SFXN1: variants seen among roughly 807,000 people sequenced by gnomAD.
SFXN1 encodes sideroflexin-1.
A neutral mutation model predicts 39.5 loss-of-function variants in SFXN1; 32 were observed. The observed-to-expected ratio is 0.81, with a 90% CI of 0.61 to 1.09. The LOEUF (loss-of-function observed/expected upper bound fraction) is 1.09, where lower values mean the gene tolerates loss of function less well. SFXN1 is among the 50% of genes least tolerant of loss of function. The probability of loss-of-function intolerance (pLI) is 0.00; values close to 1 mark genes in which losing one functional copy is unlikely to be tolerated. For missense variants in SFXN1, 402 were observed against 407.1 expected, an observed-to-expected ratio of 0.99 and a Z score of 0.11; for synonymous variants, 136 against 146.5, an observed-to-expected ratio of 0.93 and a Z score of 0.52.
intron 8 of SFXN1, among the ~76,000 whole-genome samples, chr5:175,518,995 A>C (rs1581324403): frequency 6.6e-6 from 1 of 152,212 alleles, no homozygotes; most frequent in South Asian, 2.1e-4. Context: ...CACGTATGTG[A>C]TAAAGGACTT....
At chr5:175,480,351 A>G (rs1335099551) in intron 1 of SFXN1, among the ~76,000 whole-genome samples, 1 of 152,020 alleles carries the variant, frequency 6.6e-6, no homozygotes, top group Non-Finnish European at 1.5e-5. Flanking sequence ...CAGTGAGCCG[A>G]GATCGCGCCA....
chr5:175,506,757 C>G (rs916448225), intron 2 of SFXN1, among the ~76,000 whole-genome samples: 1 of 152,108 alleles, frequency 6.6e-6, no homozygotes, highest in Non-Finnish European at 1.5e-5. Flanking sequence ...ACCTCTGCCC[C>G]CCAGGTTCAA....
At chr5:175,519,386 A>G (rs1487553617) in intron 8 of SFXN1, among the ~76,000 whole-genome samples, 1 of 152,372 alleles carries the variant, frequency 6.6e-6, no homozygotes, top group African/African-American at 2.4e-5. Context: ...TGTCCATAAA[A>G]GACGAATATT....
At chr5:175,511,670 A>G in intron 5 of SFXN1, 144 bp downstream of exon 5, 1 of 682,538 alleles carries the variant, frequency 1.5e-6, no homozygotes, top group Non-Finnish European at 2.5e-6. Flanking sequence ...TATTTTAGTT[A>G]TATCTTCCAA....
intron 8 of SFXN1, 148 bp downstream of exon 8, chr5:175,516,811 G>T (rs1295199853): frequency 8.2e-6 from 6 of 731,584 alleles, no homozygotes; most frequent in Non-Finnish European, 1.3e-5. Context: ...TTCCCAGGAA[G>T]ATTTTATTTC....
chr5:175,478,639 GGTGA>G lies in SFXN1; in HGVS notation c.-10+3_-10+6del, dbSNP rs1759109151. ...GCGCGGGCGGCAGCCCGGGGGAAGC[GGTGA>G]GTCGCGGGCGGCAGGCCCAGCCAGG... On this transcript the variant is annotated splice_donor_variant and splice_donor_region_variant and intron_variant, in intron 1 of 10. Coordinates refer to ENST00000321442, the MANE Select transcript of SFXN1 (RefSeq NM_022754.7). LOFTEE classifies it low-confidence loss of function (5UTR_SPLICE). The G allele has an allele frequency of 6.6e-6, 1 of 151,962 alleles. No homozygotes were observed. The highest frequency in any genetic ancestry group is 2.4e-5 in the African/African-American group (1 of 41,016). The allele number at this position is 151,962 out of a possible 1,614,324, so 9.4% of individuals were successfully genotyped here.
At chr5:175,478,862 C>T (rs112099114) in intron 1 of SFXN1, among the ~76,000 whole-genome samples, 9,306 of 152,158 alleles carry the variant, frequency 0.061, 412 homozygotes, top group Non-Finnish European at 0.094. Flanking sequence ...CCGGACAACA[C>T]CACGCTTCCA....
intron 1 of SFXN1, among the ~76,000 whole-genome samples, chr5:175,483,207 G>A (rs10070505): frequency 2.6e-5 from 4 of 152,072 alleles, no homozygotes; most frequent in Non-Finnish European, 4.4e-5. Flanking sequence ...AAAATAATCT[G>A]TTCACTCAAA....
chr5:175,519,162 A>T (rs1012857374), intron 8 of SFXN1, among the ~76,000 whole-genome samples: 1 of 152,228 alleles, frequency 6.6e-6, no homozygotes, highest in African/African-American at 2.4e-5. Flanking sequence ...CTGCCACTAA[A>T]TGCCTATTAG....
At chr5:175,488,406 C>T (rs1759530431) in intron 1 of SFXN1, among the ~76,000 whole-genome samples, 1 of 151,936 alleles carries the variant, frequency 6.6e-6, no homozygotes, top group Admixed American at 6.6e-5. Context: ...AGGTTCAAGC[C>T]ACTCTCCTGC....
At chr5:175,522,599 T>C in intron 10 of SFXN1, 177 bp downstream of exon 10, 1 of 538,790 alleles carries the variant, frequency 1.9e-6, no homozygotes, top group Non-Finnish European at 3.2e-6. Context: ...TCTGTCTAAT[T>C]TCAGATGCAC....
At chr5:175,489,787 G>A (rs1297733266) in intron 1 of SFXN1, among the ~76,000 whole-genome samples, 2 of 152,150 alleles carry the variant, frequency 1.3e-5, no homozygotes, top group African/African-American at 4.8e-5. Flanking sequence ...GGCTGGGCAT[G>A]GGATTCAGCC....
chr5:175,494,743 A>G (rs1759791970), intron 2 of SFXN1, among the ~76,000 whole-genome samples: 1 of 151,008 alleles, frequency 6.6e-6, no homozygotes. Flanking sequence ...CAAGCACGAA[A>G]CTCCACCTAA....
intron 2 of SFXN1, among the ~76,000 whole-genome samples, chr5:175,495,629 TGAGGCA>T (rs1759828990): frequency 1.3e-5 from 2 of 151,330 alleles, no homozygotes; most frequent in South Asian, 4.2e-4. Flanking sequence ...CTCAGGAGGC[TGAGGCA>T]GGAGAATCAC....
chr5:175,517,415 G>C (rs747565018), intron 8 of SFXN1, among the ~76,000 whole-genome samples: 3 of 151,988 alleles, frequency 2.0e-5, no homozygotes, highest in East Asian at 3.9e-4. Flanking sequence ...AGGGCCCACT[G>C]GTTTCAGAAC....
chr5:175,511,307 TG>T, intron 4 of SFXN1, 143 bp from the exon 5 acceptor site: 1 of 643,350 alleles, frequency 1.6e-6, no homozygotes, highest in South Asian at 1.9e-5. Flanking sequence ...CCCCTACTTG[TG>T]GAGTGATAGT....
intron 6 of SFXN1, 147 bp downstream of exon 6, chr5:175,512,343 G>T: frequency 1.3e-6 from 1 of 745,922 alleles, no homozygotes; most frequent in South Asian, 1.9e-5. Context: ...GAAATACTCT[G>T]GGGTTGGGGA....
At chr5:175,520,899 A>G (rs781201696) in intron 8 of SFXN1, among the ~76,000 whole-genome samples, 20 of 152,092 alleles carry the variant, frequency 1.3e-4, no homozygotes, top group Non-Finnish European at 2.8e-4. Context: ...CCCTCTGTGT[A>G]ACCTGTGAAG....
intron 1 of SFXN1, among the ~76,000 whole-genome samples, chr5:175,482,678 G>C (rs780465107): frequency 6.6e-6 from 1 of 152,126 alleles, no homozygotes; most frequent in Non-Finnish European, 1.5e-5. Context: ...ATACTCTTCA[G>C]TTTGCTGATC....
Sources: allele counts gnomAD v4.1 joint callset (sites outside exome capture counted in the v4.1 genomes callset), GRCh38; gene constraint gnomAD v4.1.1; transcripts MANE v1.5; gene names NCBI Gene and HGNC (gene_info 2026-07-23, HGNC 2026-07-21).